EXT2: variants seen among roughly 807,000 people sequenced by gnomAD.
EXT2 encodes exostosin glycosyltransferase 2.
Under a neutral mutation model 81.6 loss-of-function variants are expected in EXT2, and 53 were observed. The observed-to-expected ratio is 0.65, with a 90% CI of 0.52 to 0.82. The LOEUF (loss-of-function observed/expected upper bound fraction) is 0.82, where lower values mean the gene tolerates loss of function less well. EXT2 is among the 40% of genes least tolerant of loss of function. The pLI is 0.00. For missense variants in EXT2, 774 were observed against 910.2 expected, an observed-to-expected ratio of 0.85 and a Z score of 1.93; for synonymous variants, 320 against 340.0, an observed-to-expected ratio of 0.94 and a Z score of 0.65.
intron 6 of EXT2, among the ~76,000 whole-genome samples, chr11:44,129,685 A>T (rs1298442120): frequency 1.3e-5 from 2 of 152,262 alleles, no homozygotes; most frequent in African/African-American, 4.8e-5. Flanking sequence ...GGAATAAAGG[A>T]AGAGTGTACT....
chr11:44,162,096 G>C (rs1327044280), intron 7 of EXT2, among the ~76,000 whole-genome samples: 1 of 152,182 alleles, frequency 6.6e-6, no homozygotes, highest in Admixed American at 6.5e-5. Context: ...AAGAAAAAAA[G>C]TATGTTGTTT....
intron 4 of EXT2, among the ~76,000 whole-genome samples, chr11:44,121,720 A>G (rs904719819): frequency 1.3e-5 from 2 of 151,390 alleles, no homozygotes; most frequent in Non-Finnish European, 1.5e-5. Context: ...TGATGCTATC[A>G]TTACCATCAT....
intron 10 of EXT2, among the ~76,000 whole-genome samples, chr11:44,223,181 A>T (rs1193434473): frequency 6.6e-6 from 1 of 152,260 alleles, no homozygotes; most frequent in Admixed American, 6.5e-5. Flanking sequence ...TTGTTTTTGG[A>T]AATATAAAAT....
chr11:44,148,007 C>T (rs540433282), intron 7 of EXT2, among the ~76,000 whole-genome samples: 9 of 152,118 alleles, frequency 5.9e-5, no homozygotes, highest in African/African-American at 1.7e-4. Context: ...GGTAGTGGGA[C>T]GGCCAGCAGT....
At position 44,232,371 on chromosome 11, in the gene EXT2, G is replaced by T; in HGVS notation, c.1681G>T (p.Asp561Tyr). The T allele has an allele frequency of 1.2e-6, 2 of 1,613,982 alleles. No homozygotes were observed. Among genetic ancestry groups the T allele is most frequent in the South Asian group, 2.2e-5 (2 of 91,050 alleles). ...FGYEVWREFP[D>Y]RLVGYPGRLH... is the part of the protein sequence containing the mutation. ...TCCTTAGGTCTGGCGGGAATTTCCT[G>T]ACCGGTTGGTGGGTTACCCGGGTCG... Residue 561 changes from aspartate to tyrosine, a missense_variant, in exon 11 of 14, where the codon GAC (aspartate) becomes TAC (tyrosine). This residue lies in a region of EXT2 where 148 missense variants were observed against 239.7 expected (regional missense o/e 0.62). Coordinates refer to ENST00000533608, the MANE Select transcript of EXT2 (RefSeq NM_207122.2).
At chr11:44,096,418 C>A in intron 1 of EXT2, 1 of 1,259,910 alleles carries the variant, frequency 7.9e-7, no homozygotes, top group Non-Finnish European at 1.1e-6. Context: ...TGGCCGGGGG[C>A]GTGTTAGGCC....
chr11:44,243,862 C>T (rs1956066053), intron 13 of EXT2, among the ~76,000 whole-genome samples: 1 of 152,008 alleles, frequency 6.6e-6, no homozygotes, highest in African/African-American at 2.4e-5. Context: ...GGAAAAGATA[C>T]TCTGACCTTT....
intron 9 of EXT2, among the ~76,000 whole-genome samples, chr11:44,206,532 A>C (rs1203263645): frequency 6.6e-6 from 1 of 152,236 alleles, no homozygotes; most frequent in East Asian, 1.9e-4. Flanking sequence ...GTAGTGTTAC[A>C]AGGATTTAGA....
chr11:44,210,163 C>T (rs1054519106), intron 10 of EXT2, among the ~76,000 whole-genome samples: 3 of 152,148 alleles, frequency 2.0e-5, no homozygotes, highest in African/African-American at 7.2e-5. Flanking sequence ...AGAGAAATGA[C>T]AACAAAAGTC....
intron 13 of EXT2, among the ~76,000 whole-genome samples, chr11:44,237,892 C>T (rs1478265898): frequency 3.6e-5 from 5 of 139,244 alleles, no homozygotes; most frequent in African/African-American, 8.2e-5. Context: ...GGTGAAACCC[C>T]GTCTCTACTT....
At chr11:44,103,814 A>T (rs1954018595) in intron 1 of EXT2, 1 of 279,154 alleles carries the variant, frequency 3.6e-6, no homozygotes, top group Non-Finnish European at 7.0e-6. Context: ...AAATTCATTG[A>T]TACCATCTTA....
intron 1 of EXT2, chr11:44,103,793 T>C (rs1199699376): frequency 9.6e-6 from 3 of 313,338 alleles, no homozygotes; most frequent in South Asian, 8.1e-5. Flanking sequence ...AGTTTTCAAA[T>C]GTACTGGCAT....
chr11:44,180,993 C>T (rs964999844), intron 8 of EXT2, among the ~76,000 whole-genome samples: 3 of 151,756 alleles, frequency 2.0e-5, no homozygotes, highest in Non-Finnish European at 2.9e-5. Context: ...CCCAGCTACT[C>T]GGGAGGCTGA....
intron 9 of EXT2, among the ~76,000 whole-genome samples, chr11:44,203,006 C>T (rs181427726): frequency 1.3e-5 from 2 of 152,294 alleles, no homozygotes; most frequent in African/African-American, 2.4e-5. Context: ...AGTAAAAGGG[C>T]ATGTTGTGCT....
At chr11:44,165,054 A>G (rs1954976636) in intron 7 of EXT2, among the ~76,000 whole-genome samples, 1 of 151,290 alleles carries the variant, frequency 6.6e-6, no homozygotes, top group African/African-American at 2.4e-5. Context: ...AATTTTTTGT[A>G]TTTTTAGTAG....
At chr11:44,119,165 T>TATATATACAC (rs1954276157) in intron 4 of EXT2, among the ~76,000 whole-genome samples, 1 of 48,046 alleles carries the variant, frequency 2.1e-5, no homozygotes, top group African/African-American at 6.3e-5. Flanking sequence ...TATATATATA[T>TATATATACAC]ATATACACAT....
At chr11:44,182,088 C>T (rs985211332) in intron 8 of EXT2, among the ~76,000 whole-genome samples, 2 of 152,004 alleles carry the variant, frequency 1.3e-5, no homozygotes, top group African/African-American at 2.4e-5. Context: ...TTTTGGGAGC[C>T]GAATAGAGGA....
chr11:44,133,596 G>A (rs2135038405), intron 7 of EXT2, among the ~76,000 whole-genome samples: 1 of 152,260 alleles, frequency 6.6e-6, no homozygotes, highest in East Asian at 1.9e-4. Context: ...ATCTTTCCAA[G>A]AAATCCTAAA....
rs1033615003 is a variant in EXT2 at position 44,143,355 on chromosome 11, C to A, written c.1173+13217C>A. Among the ~76,000 whole-genome samples the A allele has an allele frequency of 1.4e-4, 21 of 152,294 alleles. 3 individuals carry two copies. Among genetic ancestry groups the A allele is most frequent in the Admixed American group, 1.3e-3 (20 of 15,304 alleles). On this transcript the variant is annotated intron_variant, in intron 7 of 13. Coordinates refer to ENST00000533608, the MANE Select transcript of EXT2 (RefSeq NM_207122.2). ...TGTGAGATGTGAGAGGGATATGATTCCCTGGGGGAATTTTCAAACTTCACA... is the reference window on the plus strand; with the variant it reads ...TGTGAGATGTGAGAGGGATATGATTACCTGGGGGAATTTTCAAACTTCACA...
Sources: gnomAD v4.1 joint callset for allele counts (sites outside exome capture counted in the v4.1 genomes callset) on GRCh38, gnomAD v4.1.1 for gene constraint, gnomAD v4.1.1 regional missense constraint, MANE v1.5 for transcripts, NCBI Gene and HGNC (gene_info 2026-07-23, HGNC 2026-07-21) for gene names.